The following SLC4A5 variants were observed in gnomAD, a reference collection of about 807,000 sequenced individuals.
SLC4A5 encodes electrogenic sodium bicarbonate cotransporter 4.
SLC4A5 carries 96 observed loss-of-function variants against 120.4 expected under a neutral mutation model. The ratio of observed to expected loss-of-function variants is 0.80; its 90% CI spans 0.68 to 0.94. SLC4A5 has a LOEUF of 0.94. Ranked by LOEUF, SLC4A5 falls within the 40% of genes least tolerant of loss-of-function variation. The pLI, the probability that SLC4A5 is intolerant of heterozygous loss-of-function variation, is 0.00. For synonymous variants in SLC4A5, 550 were observed against 571.1 expected (o/e 0.96, Z 0.53); for missense variants, 1,259 against 1,459.5 (o/e 0.86, Z 2.24).
chr2:74,307,749 C>A, intron 6 of SLC4A5: 1 of 684,064 alleles, frequency 1.5e-6, no homozygotes, highest in South Asian at 1.4e-5. Flanking sequence ...GGAGGTCGTT[C>A]AGGCTTTGCA....
At chr2:74,274,095 T>C (rs1483387619) in intron 8 of SLC4A5, among the ~76,000 whole-genome samples, 2 of 152,254 alleles carry the variant, frequency 1.3e-5, no homozygotes, top group Non-Finnish European at 2.9e-5. Context: ...ACATGTATTA[T>C]CTCATCTAAT....
chr2:74,326,680 G>A (rs1033052687), intron 5 of SLC4A5, among the ~76,000 whole-genome samples: 9 of 152,246 alleles, frequency 5.9e-5, no homozygotes, highest in East Asian at 5.8e-4. Flanking sequence ...TTAGCCGAGT[G>A]TGGTGGTGCA....
intron 8 of SLC4A5, among the ~76,000 whole-genome samples, chr2:74,282,862 G>A (rs1671857187): frequency 6.6e-6 from 1 of 152,174 alleles, no homozygotes; most frequent in Non-Finnish European, 1.5e-5. Context: ...AGAAGGCCCT[G>A]CCCAGATTTC....
In SLC4A5 at chr2:74,307,573, T is replaced by C. The variant is rs1672683838; in HGVS notation, c.80-2893A>G. The stretch of plus-strand genomic sequence containing the variant: ...CTGTCGATCTGCACAATGTGGGCAT[T>C]GTCCACAGTATTTGCGAAGATCTGA... On this transcript the variant is annotated intron_variant, in intron 6 of 30. Coordinates refer to ENST00000394019, the Ensembl canonical transcript of SLC4A5. 5.9e-6 allele frequency: 4 copies of C among 674,614 alleles called. No individual in the cohort carries two copies. The Admixed American group carries it at 7.2e-5, about 12-fold the overall frequency. 41.8% of individuals were successfully genotyped at this position (674,614 alleles called of 1,614,324 possible).
At chr2:74,260,335 C>T (rs1671096582) in intron 11 of SLC4A5, among the ~76,000 whole-genome samples, 2 of 152,076 alleles carry the variant, frequency 1.3e-5, no homozygotes, top group Admixed American at 1.3e-4. Flanking sequence ...GTCCCAGGAT[C>T]CTCTCCTGCT....
At chr2:74,335,843 T>C (rs1673474120) in intron 3 of SLC4A5, among the ~76,000 whole-genome samples, 2 of 152,204 alleles carry the variant, frequency 1.3e-5, no homozygotes, top group Admixed American at 1.3e-4. Flanking sequence ...ATCATATTTC[T>C]GGATGGGAAA....
At chr2:74,228,124 G>T (rs1204842874) in intron 25 of SLC4A5, among the ~76,000 whole-genome samples, 1 of 152,184 alleles carries the variant, frequency 6.6e-6, no homozygotes, top group Non-Finnish European at 1.5e-5. Context: ...GCCCCTCACT[G>T]CACCGTGCGG....
chr2:74,315,075 A>ATTTT, intron 5 of SLC4A5, 50 bp from the exon 6 acceptor site: 2 of 1,442,822 alleles, frequency 1.4e-6, no homozygotes, highest in East Asian at 4.6e-5. Context: ...TAAAAAGGGT[A>ATTTT]GGATTTCAAG....
rs536161758 is a variant in SLC4A5 at position 74,249,080 on chromosome 2, T to C, written c.1654-594A>G. ...GTCCTGTGTATTGTAGTGTGTTTAG[T>C]AGCATCCACAGCCTCTACACATTAG... On this transcript the variant is annotated intron_variant, in intron 17 of 30. Transcript: ENST00000394019. Among the ~76,000 whole-genome samples the C allele has an allele frequency of 2.0e-5, 3 of 152,282 alleles. No homozygotes were observed. In the South Asian group the frequency reaches 6.2e-4, roughly 32 times the overall value.
At chr2:74,288,999 CT>C (rs1672075069) in intron 7 of SLC4A5, among the ~76,000 whole-genome samples, 1 of 152,206 alleles carries the variant, frequency 6.6e-6, no homozygotes, top group Non-Finnish European at 1.5e-5. Context: ...TTTTGGCTCT[CT>C]CCTTTTTTCC....
intron 7 of SLC4A5, among the ~76,000 whole-genome samples, chr2:74,303,013 G>A: frequency 7.2e-6 from 1 of 139,172 alleles, no homozygotes; most frequent in African/African-American, 3.1e-5. Context: ...CTCCTGAGCA[G>A]GACTGTGTGT....
Position 74,252,160 on chromosome 2 carries a change from G to T in SLC4A5, c.1478+19C>A, listed in dbSNP as rs758779895. ...AGTCTAAAGGACAGCAGGGTCACTG[G>T]GAGGCCTGGGGTGGGCACCTTCCTG... On this transcript the variant is annotated intron_variant, in intron 16 of 30. Transcript: ENST00000394019. 1 of 1,609,794 alleles carries T rather than the reference G, an allele frequency of 6.2e-7. No individual in the cohort carries two copies. The highest frequency in any genetic ancestry group is 1.1e-5 in the South Asian group (1 of 90,800).
intron 8 of SLC4A5, among the ~76,000 whole-genome samples, chr2:74,268,948 G>A (rs1671387461): frequency 2.0e-5 from 3 of 152,188 alleles, no homozygotes; most frequent in Admixed American, 2.0e-4. Flanking sequence ...CAGGCACCTG[G>A]TGGGATCCTG....
intron 17 of SLC4A5, among the ~76,000 whole-genome samples, chr2:74,249,770 G>A (rs990211240): frequency 3.3e-5 from 5 of 152,194 alleles, no homozygotes; most frequent in African/African-American, 9.7e-5. Flanking sequence ...ATGTGGACAT[G>A]CCCAAAAGGC....
At chr2:74,332,322 C>G (rs992038926) in intron 4 of SLC4A5, among the ~76,000 whole-genome samples, 2 of 148,182 alleles carry the variant, frequency 1.3e-5, no homozygotes, top group African/African-American at 4.9e-5. Context: ...ATCGCTGAAG[C>G]AAAATAAACA....
At chr2:74,284,545 ATTC>A (rs1029994989) in intron 8 of SLC4A5, among the ~76,000 whole-genome samples, 3 of 152,196 alleles carry the variant, frequency 2.0e-5, no homozygotes, top group Non-Finnish European at 4.4e-5. Flanking sequence ...ATCAAATTAA[ATTC>A]TTCTCCTGGG....
chr2:74,336,843 T>C (rs1198713881), intron 3 of SLC4A5, among the ~76,000 whole-genome samples: 1 of 152,226 alleles, frequency 6.6e-6, no homozygotes, highest in Non-Finnish European at 1.5e-5. Context: ...ATACTCCCCT[T>C]ACCTCTCTCC....
chr2:74,297,834 A>C (rs1033873735), intron 7 of SLC4A5, among the ~76,000 whole-genome samples: 1 of 152,226 alleles, frequency 6.6e-6, no homozygotes, highest in African/African-American at 2.4e-5. Context: ...AGAGAGAGAA[A>C]ATAAATAAAC....
At chr2:74,258,925 G>A (rs1671051314) in intron 12 of SLC4A5, among the ~76,000 whole-genome samples, 1 of 152,144 alleles carries the variant, frequency 6.6e-6, no homozygotes, top group African/African-American at 2.4e-5. Context: ...GGTTTCCTTT[G>A]TCATCTTTCT....
Sources: allele counts gnomAD v4.1 joint callset (sites outside exome capture counted in the v4.1 genomes callset), GRCh38; gene constraint gnomAD v4.1.1; transcripts MANE v1.5; gene names NCBI Gene and HGNC (gene_info 2026-07-23, HGNC 2026-07-21).